The following ASPH variants were observed in gnomAD, a reference collection of about 807,000 sequenced individuals.
ASPH encodes aspartyl/asparaginyl beta-hydroxylase.
ASPH carries 100 observed loss-of-function variants against 118.4 expected under a neutral mutation model. That is an observed-to-expected ratio of 0.84 (90% CI 0.72 to 1.00). The LOEUF is 1.00. Among genes scored for constraint, ASPH ranks in the 50% least tolerant of loss-of-function variants. ASPH has a pLI of 0.00. For missense variants in ASPH, 920 were observed against 919.5 expected, an observed-to-expected ratio of 1.00 and a Z score of -0.01; for synonymous variants, 315 against 325.6, an observed-to-expected ratio of 0.97 and a Z score of 0.35.
chr8:61,667,779 C>T (rs1820439074), intron 3 of ASPH, among the ~76,000 whole-genome samples: 1 of 152,182 alleles, frequency 6.6e-6, no homozygotes, highest in Non-Finnish European at 1.5e-5. Flanking sequence ...ATTTGAATCA[C>T]ACTAGCTTTC....
intron 3 of ASPH, among the ~76,000 whole-genome samples, chr8:61,662,135 T>A (rs1383078667): frequency 6.6e-6 from 1 of 152,190 alleles, no homozygotes; most frequent in Non-Finnish European, 1.5e-5. Context: ...AAGATCATCC[T>A]GGAAAAATTG....
chr8:61,697,368 A>G (rs1834162160), intron 1 of ASPH, among the ~76,000 whole-genome samples: 3 of 152,242 alleles, frequency 2.0e-5, no homozygotes, highest in African/African-American at 7.2e-5. Flanking sequence ...TCTCCTCACC[A>G]GCAAGTAAGC....
At chr8:61,684,797 A>G (rs1829775033) in intron 1 of ASPH, 1 of 152,194 alleles carries the variant, frequency 6.6e-6, no homozygotes, top group South Asian at 2.1e-4. Context: ...AGTGTCATTT[A>G]TCGCATTTGA....
At position 61,646,867 on chromosome 8, in the gene ASPH, C is replaced by A. The variant is rs1376304095; in HGVS notation, c.502G>T (p.Asp168Tyr). The A allele has an allele frequency of 1.2e-6, 2 of 1,613,924 alleles. No homozygotes were observed. Among genetic ancestry groups the A allele is most frequent in the East Asian group, 4.5e-5 (2 of 44,874 alleles). ...MVHAEHVEGEDLQQEDGPTGE... is the reference protein window; with the variant it reads ...MVHAEHVEGEYLQQEDGPTGE... The stretch of plus-strand genomic sequence containing the variant: ...GTGGGTCCATCTTCTTGTTGCAAGT[C>A]TTCTCCCTCAACTATGACAATGAAC... Residue 168 changes from aspartate to tyrosine, a missense_variant, in exon 6 of 25, where the codon GAC (aspartate) becomes TAC (tyrosine). Transcript: ENST00000379454.
chr8:61,634,735 C>CT (rs1857015597), intron 12 of ASPH, among the ~76,000 whole-genome samples: 1 of 152,164 alleles, frequency 6.6e-6, no homozygotes, highest in Non-Finnish European at 1.5e-5. Context: ...CATATTAACA[C>CT]TTTATCAACT....
At chr8:61,616,984 G>C (rs1046631637) in intron 14 of ASPH, among the ~76,000 whole-genome samples, 1 of 152,200 alleles carries the variant, frequency 6.6e-6, no homozygotes, top group Non-Finnish European at 1.5e-5. Context: ...TGTGTTTTGA[G>C]GGGGAAAGAT....
intron 21 of ASPH, among the ~76,000 whole-genome samples, chr8:61,535,001 T>C (rs1410540195): frequency 2.0e-5 from 3 of 152,272 alleles, no homozygotes; most frequent in Non-Finnish European, 4.4e-5. Context: ...TGGCATTTCC[T>C]TGGCGGACAT....
At chr8:61,567,071 TC>T in intron 17 of ASPH, 96 bp downstream of exon 17, 2 of 1,424,040 alleles carry the variant, frequency 1.4e-6, no homozygotes, top group South Asian at 2.8e-5. Flanking sequence ...TCAGGTTTTC[TC>T]CCACGTAATT....
chr8:61,523,908 T>C (rs2129622979), intron 22 of ASPH, among the ~76,000 whole-genome samples: 1 of 152,262 alleles, frequency 6.6e-6, no homozygotes, highest in South Asian at 2.1e-4. Flanking sequence ...CTGGGCAATA[T>C]AGTGAGACCC....
chr8:61,539,699 G>GGGGGGTGTGTGTGT (rs1554618405), intron 21 of ASPH, among the ~76,000 whole-genome samples: 24 of 124,304 alleles, frequency 1.9e-4, no homozygotes, highest in African/African-American at 3.1e-4. Context: ...ACACTTCTGG[G>GGGGGGTGTGTGTGT]GTGTGTGTGT....
At chr8:61,689,211 T>C (rs925706571) in intron 1 of ASPH, among the ~76,000 whole-genome samples, 3 of 152,200 alleles carry the variant, frequency 2.0e-5, no homozygotes, top group Non-Finnish European at 4.4e-5. Flanking sequence ...TTGCATTTAT[T>C]GTCTGCTTCA....
chr8:61,691,253 T>C lies in ASPH; in HGVS notation c.104-7065A>G, dbSNP rs926455778. On this transcript the variant is annotated intron_variant, in intron 1 of 24. Transcript: ENST00000379454. ...TGAAACTATTGAATGCATGGTAAGATAAAGCCTTAAGAGGTTGGTACCATA... is the reference window on the plus strand; with the variant it reads ...TGAAACTATTGAATGCATGGTAAGACAAAGCCTTAAGAGGTTGGTACCATA... Among the ~76,000 whole-genome samples the C allele has an allele frequency of 5.9e-5, 9 of 152,164 alleles. No individual in the cohort carries two copies. The East Asian group carries it at 1.7e-3, about 29-fold the overall frequency.
Position 61,564,528 on chromosome 8 carries a change from A to G in ASPH, c.1301-1648T>C, listed in dbSNP as rs543186943. On this transcript the variant is annotated intron_variant, in intron 17 of 24. Coordinates refer to ENST00000379454, the MANE Select transcript of ASPH (RefSeq NM_004318.4). ...TGGCCAGGCAGGTCTGGAACTCCTGACCTCAGGTGATCTGCCCATCTTGGC... is the reference window on the plus strand; with the variant it reads ...TGGCCAGGCAGGTCTGGAACTCCTGGCCTCAGGTGATCTGCCCATCTTGGC... Among the ~76,000 whole-genome samples the G allele has an allele frequency of 8.5e-5, 13 of 152,120 alleles. No individual in the cohort carries two copies. In the South Asian group the frequency reaches 2.7e-3, roughly 32 times the overall value.
Position 61,567,297 on chromosome 8 carries a change from TCTC to T in ASPH, c.1168_1170del (p.Glu390del). On this transcript the variant is annotated inframe_deletion, in exon 17 of 25. Coordinates refer to ENST00000379454, the MANE Select transcript of ASPH (RefSeq NM_004318.4). ...CGTAGCACCTCATTACTTCTCCTCT[TCTC>T]AGCCAAATCATCCTCACACTAGAAG... The T allele has an allele frequency of 6.2e-7, 1 of 1,613,764 alleles. No homozygotes were observed. Among genetic ancestry groups the T allele is most frequent in the Non-Finnish European group, 8.5e-7 (1 of 1,179,870 alleles).
At chr8:61,684,449 C>CT in intron 1 of ASPH, 1 of 313,196 alleles carries the variant, frequency 3.2e-6, no homozygotes, top group East Asian at 5.3e-5. Flanking sequence ...ATGTATATTC[C>CT]ATCCAAGTTA....
In ASPH at chr8:61,621,635, T is replaced by C. The variant is rs28562585; in HGVS notation, c.935-2616A>G. ...TCCCATTTAAACTTCTCATCATTCA[T>C]AGGAGGTAGTTATAATTTTACAAAT... On this transcript the variant is annotated intron_variant, in intron 13 of 24. Coordinates refer to ENST00000379454, the MANE Select transcript of ASPH (RefSeq NM_004318.4). 6.4e-3 allele frequency among the ~76,000 whole-genome samples: 968 copies of C among 152,342 alleles called. 11 individuals are homozygous for C. Among genetic ancestry groups the C allele is most frequent in the African/African-American group, 0.022 (911 of 41,578 alleles).
At chr8:61,656,498 A>G (rs1197134486) in intron 3 of ASPH, 1 of 152,188 alleles carries the variant, frequency 6.6e-6, no homozygotes, top group Non-Finnish European at 1.5e-5. Flanking sequence ...CTCCCTTTTC[A>G]GTGTTAATCA....
At chr8:61,699,771 T>C (rs1563646725) in intron 1 of ASPH, among the ~76,000 whole-genome samples, 2 of 152,172 alleles carry the variant, frequency 1.3e-5, no homozygotes, top group Admixed American at 6.5e-5. Flanking sequence ...AAGAGAGATA[T>C]CAAGAGTTCT....
chr8:61,712,409 G>A (rs1190370013), intron 1 of ASPH, among the ~76,000 whole-genome samples: 1 of 151,984 alleles, frequency 6.6e-6, no homozygotes, highest in Non-Finnish European at 1.5e-5. Flanking sequence ...GTATCTACTG[G>A]AGAAAAAAAA....
Sources: gnomAD v4.1 joint callset for allele counts (sites outside exome capture counted in the v4.1 genomes callset) on GRCh38, gnomAD v4.1.1 for gene constraint, MANE v1.5 for transcripts, NCBI Gene and HGNC (gene_info 2026-07-23, HGNC 2026-07-21) for gene names.